The following ESCO1 variants were observed in gnomAD, a reference collection of about 807,000 sequenced individuals.
ESCO1 encodes establishment of sister chromatid cohesion N-acetyltransferase 1, also known as N-acetyltransferase ESCO1.
A neutral mutation model predicts 83.5 loss-of-function variants in ESCO1; 33 were observed. That is an observed-to-expected ratio of 0.40 (90% CI 0.30 to 0.53). ESCO1 has a LOEUF of 0.53. Among genes scored for constraint, ESCO1 ranks in the 20% least tolerant of loss-of-function variants. The pLI, the probability that ESCO1 is intolerant of heterozygous loss-of-function variation, is 0.63. For missense variants in ESCO1, 855 were observed against 968.0 expected (o/e 0.88, Z 1.55); for synonymous variants, 332 against 324.3 (o/e 1.02, Z -0.25).
chr18:21,574,347 T>G lies in ESCO1; in HGVS notation c.497A>C (p.Lys166Thr), dbSNP rs1161926327. The G allele has an allele frequency of 6.2e-7, 1 of 1,613,938 alleles. No homozygotes were observed. Among genetic ancestry groups the G allele is most frequent in the Admixed American group, 1.7e-5 (1 of 59,958 alleles). The stretch of plus-strand genomic sequence containing the variant: ...ATGTTTTTGACTTGTTTTATTAGAT[T>G]TACTCTGAGTACTGCTACACTGCTC... ...KKEQCSSTQS[K>T]SNKTSQKHVK... The change falls in exon 4 of 12, where the codon AAA becomes ACA. Residue 166 changes from lysine to threonine, a missense_variant. By Grantham distance (78) the Lys-to-Thr change is moderately conservative (BLOSUM62 -1). This residue lies in a region of ESCO1 where 726 missense variants were observed against 699.5 expected (regional missense o/e 1.04). Coordinates refer to ENST00000269214, the MANE Select transcript of ESCO1 (RefSeq NM_052911.3).
chr18:21,586,058 CTAGTT>C (rs1188542449), intron 1 of ESCO1, among the ~76,000 whole-genome samples: 1 of 152,198 alleles, frequency 6.6e-6, no homozygotes, highest in Non-Finnish European at 1.5e-5. Context: ...CATATCTCTT[CTAGTT>C]ATTTTGAAAT....
At chr18:21,540,030 A>G (rs926629527) in intron 8 of ESCO1, 21 bp from the exon 9 acceptor site, 1 of 1,528,528 alleles carries the variant, frequency 6.5e-7, no homozygotes, top group Admixed American at 1.8e-5. Context: ...ATATATATAT[A>G]TACACACATA....
chr18:21,543,315 G>C (rs1028055205), intron 8 of ESCO1, among the ~76,000 whole-genome samples: 1 of 151,950 alleles, frequency 6.6e-6, no homozygotes, highest in Non-Finnish European at 1.5e-5. Flanking sequence ...CCACCACGCC[G>C]AGCTGATTTT....
At chr18:21,537,301 C>T (rs1188885585) in intron 9 of ESCO1, among the ~76,000 whole-genome samples, 1 of 152,184 alleles carries the variant, frequency 6.6e-6, no homozygotes, top group Non-Finnish European at 1.5e-5. Flanking sequence ...TGCCTATAAT[C>T]CCAGCACTTT....
At chr18:21,548,968 A>G (rs2038010703) in intron 8 of ESCO1, among the ~76,000 whole-genome samples, 1 of 152,032 alleles carries the variant, frequency 6.6e-6, no homozygotes, top group South Asian at 2.1e-4. Flanking sequence ...CAAGAAATAT[A>G]AATCTATTCC....
intron 10 of ESCO1, 96 bp from the exon 11 acceptor site, chr18:21,532,756 T>A: frequency 8.6e-7 from 1 of 1,163,422 alleles, no homozygotes; most frequent in Non-Finnish European, 1.2e-6. Context: ...TTGACTGGCT[T>A]AACAAACTAT....
At chr18:21,535,583 C>T (rs1215938320) in intron 10 of ESCO1, among the ~76,000 whole-genome samples, 3 of 152,134 alleles carry the variant, frequency 2.0e-5, no homozygotes, top group Non-Finnish European at 4.4e-5. Flanking sequence ...AGGGTTTCAC[C>T]GTATTAGCCA....
chr18:21,574,028 A>C lies in ESCO1; in HGVS notation c.816T>G (p.Thr272=), dbSNP rs1250500373. 4 of 1,613,250 alleles carry C rather than the reference A, an allele frequency of 2.5e-6. No homozygotes were observed. Among genetic ancestry groups the C allele is most frequent in the East Asian group, 2.2e-5 (1 of 44,860 alleles). ...GTGGACTTTTTGGGAGTGTTGTGTT[A>C]GTATTCACTTGTGTATGAACCGACT... ...MKKSVHTQVN[T]NTTLPKSPQP... Residue 272 remains threonine (T), a synonymous_variant, in exon 4 of 12, where the codon ACT becomes ACG. Coordinates refer to ENST00000269214, the MANE Select transcript of ESCO1 (RefSeq NM_052911.3).
chr18:21,574,743 T>C lies in ESCO1; in HGVS notation c.101A>G (p.Asn34Ser). 6.2e-7 allele frequency: 1 copy of C among 1,610,186 alleles called. No homozygotes were observed. Among genetic ancestry groups the C allele is most frequent in the Non-Finnish European group, 8.5e-7 (1 of 1,179,866 alleles). Reference sequence around the variant, plus strand: ...CTTTGGACCTGATTTTTTTGCTAGATTCTTTTGAGAATCCTGAATTTCTGT... The same window carrying C: ...CTTTGGACCTGATTTTTTTGCTAGACTCTTTTGAGAATCCTGAATTTCTGT... Reference protein sequence around the residue: ...SETEIQDSQKNLAKKSGPKET... With the variant: ...SETEIQDSQKSLAKKSGPKET... Residue 34 changes from asparagine to serine, a missense_variant, in exon 4 of 12, where the codon AAT becomes AGT. Around this residue, in one of 2 missense-constraint regions of ESCO1, gnomAD observed 726 missense variants for 699.5 expected, o/e 1.04. Coordinates refer to ENST00000269214, the MANE Select transcript of ESCO1 (RefSeq NM_052911.3).
Position 21,573,816 on chromosome 18 carries a change from T to C in ESCO1, c.1028A>G (p.Glu343Gly). ...AAGTATTTGTCTTTCAACACTGGTC[T>C]CTTCCAATTTTATTTCTGTGGGCTT... The part of the protein sequence containing the change: ...EEKPTEIKLE[E>G]TSVERQILHQ... The change falls in exon 4 of 12, where the codon GAG becomes GGG. Residue 343 changes from glutamate (E) to glycine (G), a missense_variant. By Grantham distance (98) the Glu-to-Gly change is moderately conservative. Coordinates refer to ENST00000269214, the MANE Select transcript of ESCO1 (RefSeq NM_052911.3). The C allele has an allele frequency of 6.2e-7, 1 of 1,614,092 alleles. No individual in the cohort carries two copies. Among genetic ancestry groups the C allele is most frequent in the Non-Finnish European group, 8.5e-7 (1 of 1,180,026 alleles).
intron 1 of ESCO1, among the ~76,000 whole-genome samples, chr18:21,593,872 G>A (rs968576299): frequency 1.3e-5 from 2 of 150,750 alleles, no homozygotes; most frequent in African/African-American, 4.9e-5. Flanking sequence ...ACCCTGCTAC[G>A]CTTCCCATAG....
intron 2 of ESCO1, among the ~76,000 whole-genome samples, chr18:21,583,056 C>G (rs1453655924): frequency 2.0e-5 from 3 of 152,058 alleles, no homozygotes; most frequent in African/African-American, 7.2e-5. Flanking sequence ...CGGGCAGGCA[C>G]CTGTAATCCC....
Position 21,573,485 on chromosome 18 carries a change from T to C in ESCO1, c.1359A>G (p.Glu453=), listed in dbSNP as rs1181732064. ...CTTCAGAATTAATTTCTTTCATTTTTTCCTGCTGGCAAGTTATATTTCTAT... is the reference window on the plus strand; with the variant it reads ...CTTCAGAATTAATTTCTTTCATTTTCTCCTGCTGGCAAGTTATATTTCTAT... ...LHDRNITCQQ[E]KMKEINSEEV... Residue 453 remains glutamate, a synonymous_variant, in exon 4 of 12, where the codon GAA becomes GAG. Coordinates refer to ENST00000269214, the MANE Select transcript of ESCO1 (RefSeq NM_052911.3). The C allele has an allele frequency of 1.9e-6, 3 of 1,611,940 alleles. No homozygotes were observed. The highest frequency in any genetic ancestry group is 3.4e-5 in the Admixed American group (2 of 59,502).
intron 2 of ESCO1, among the ~76,000 whole-genome samples, chr18:21,575,996 GA>G (rs59760586): frequency 2.0e-5 from 3 of 151,610 alleles, no homozygotes; most frequent in Non-Finnish European, 2.9e-5. Flanking sequence ...TTCATGTTGT[GA>G]AAAAAAGTTT....
intron 11 of ESCO1, among the ~76,000 whole-genome samples, chr18:21,531,043 A>G (rs1354035082): frequency 6.6e-6 from 1 of 152,262 alleles, no homozygotes; most frequent in Non-Finnish European, 1.5e-5. Context: ...AAGGCTGCAT[A>G]TTCAAGATTG....
intron 8 of ESCO1, among the ~76,000 whole-genome samples, chr18:21,548,448 T>C (rs1279248570): frequency 6.6e-6 from 1 of 152,170 alleles, no homozygotes; most frequent in African/African-American, 2.4e-5. Context: ...TGAGCCATGA[T>C]TGCGCCACTG....
rs763212776 is a variant in ESCO1, at chr18:21,540,019, T to C, written c.1954-10A>G. ...TTTCTTTCTTCCAGCCCTAGATATATATATATATATATACACACATATGTA... is the reference window on the plus strand; with the variant it reads ...TTTCTTTCTTCCAGCCCTAGATATACATATATATATATACACACATATGTA... On this transcript the variant is annotated splice_polypyrimidine_tract_variant and intron_variant, in intron 8 of 11. Transcript: ENST00000269214. The C allele has an allele frequency of 5.5e-6, 8 of 1,457,068 alleles. 1 individual carries two copies. The highest frequency in any genetic ancestry group is 3.8e-5 in the South Asian group (3 of 79,856). 90.3% of individuals were successfully genotyped at this position (1,457,068 alleles called of 1,614,324 possible).
chr18:21,559,137 CTG>C (rs1201056963), intron 8 of ESCO1, among the ~76,000 whole-genome samples: 2 of 152,226 alleles, frequency 1.3e-5, no homozygotes, highest in African/African-American at 4.8e-5. Flanking sequence ...TCCTTAGACT[CTG>C]TGTATACCTA....
At chr18:21,579,794 G>GCGCACA (rs1192534759) in intron 2 of ESCO1, among the ~76,000 whole-genome samples, 114 of 37,168 alleles carry the variant, frequency 3.1e-3, no homozygotes, top group East Asian at 0.016. Context: ...ACGCGCGCGC[G>GCGCACA]CACACACACA....
Sources: allele counts gnomAD v4.1 joint callset (sites outside exome capture counted in the v4.1 genomes callset), GRCh38; gene constraint gnomAD v4.1.1; regional missense constraint gnomAD v4.1.1; transcripts MANE v1.5; gene names NCBI Gene and HGNC (gene_info 2026-07-23, HGNC 2026-07-21).